The following APBA2 variants were observed in gnomAD, a reference collection of about 807,000 sequenced individuals.
APBA2 encodes amyloid-beta A4 precursor protein-binding family A member 2.
In APBA2, 30 loss-of-function variants were observed where a neutral mutation model predicts 75.0. The observed-to-expected ratio is 0.40, with a 90% CI of 0.30 to 0.54. The LOEUF is 0.54. Ranked by LOEUF, APBA2 falls within the 20% of genes least tolerant of loss-of-function variation. The pLI is 0.49. For missense variants in APBA2, 801 were observed against 1,016.1 expected (o/e 0.79, Z 2.88); for synonymous variants, 444 against 409.6 (o/e 1.08, Z -1.01).
At chr15:29,061,592 C>T (rs1047326672) in intron 4 of APBA2, among the ~76,000 whole-genome samples, 2 of 152,216 alleles carry the variant, frequency 1.3e-5, no homozygotes, top group African/African-American at 2.4e-5. Flanking sequence ...GGTCGAGGGC[C>T]CCGAGGCCAC....
intron 2 of APBA2, among the ~76,000 whole-genome samples, chr15:28,922,015 C>CT (rs765900972): frequency 3.5e-4 from 54 of 152,204 alleles, no homozygotes; most frequent in Non-Finnish European, 5.4e-4. Context: ...TGTGCATTCC[C>CT]TGTAACCCTG....
intron 1 of APBA2, among the ~76,000 whole-genome samples, chr15:28,898,439 A>G (rs2032644598): frequency 6.6e-6 from 1 of 152,194 alleles, no homozygotes; most frequent in Non-Finnish European, 1.5e-5. Flanking sequence ...AGCTGTGTGG[A>G]TGGGGCTTGC....
At chr15:28,933,126 T>G (rs770925248) in intron 2 of APBA2, among the ~76,000 whole-genome samples, 1 of 152,138 alleles carries the variant, frequency 6.6e-6, no homozygotes, top group Non-Finnish European at 1.5e-5. Context: ...ATGGCATTAA[T>G]ACATTCATGA....
At chr15:28,962,535 C>T (rs555013887) in intron 2 of APBA2, among the ~76,000 whole-genome samples, 86 of 152,144 alleles carry the variant, frequency 5.7e-4, no homozygotes, top group Non-Finnish European at 1.1e-3. Context: ...CGCCACTGCA[C>T]TCCAGCCTGG....
rs114840480 is a variant in APBA2 at position 29,071,893 on chromosome 15, C to G, written c.952-3028C>G. ...ACAACCTTGTGTTGCCCGTGGACACCCCATACTATGGCCTCCGTACTGGGG... is the reference window on the plus strand; with the variant it reads ...ACAACCTTGTGTTGCCCGTGGACACGCCATACTATGGCCTCCGTACTGGGG... On this transcript the variant is annotated intron_variant, in intron 4 of 14. Transcript: ENST00000683413. Among the ~76,000 whole-genome samples the G allele has an allele frequency of 7.7e-3, 1,166 of 152,044 alleles. 12 individuals carry two copies. The highest frequency in any genetic ancestry group is 0.027 in the African/African-American group (1,102 of 41,466).
intron 2 of APBA2, among the ~76,000 whole-genome samples, chr15:28,968,211 G>A (rs1384125842): frequency 3.3e-5 from 5 of 152,210 alleles, no homozygotes; most frequent in Admixed American, 1.3e-4. Context: ...TTGTTTCCAC[G>A]TTTTGGGGAC....
chr15:28,908,966 G>A (rs185546990), intron 1 of APBA2, among the ~76,000 whole-genome samples: 1,958 of 150,496 alleles, frequency 0.013, 38 homozygotes, highest in African/African-American at 0.045. Context: ...CCCAGCCCCC[G>A]GCAGCCACCA....
intron 2 of APBA2, among the ~76,000 whole-genome samples, chr15:28,972,924 A>G (rs2037143478): frequency 6.6e-6 from 1 of 152,236 alleles, no homozygotes; most frequent in South Asian, 2.1e-4. Flanking sequence ...TCCTATTACA[A>G]TTGCATTTTA....
At chr15:29,035,114 A>G (rs1245808883) in intron 3 of APBA2, among the ~76,000 whole-genome samples, 1 of 152,016 alleles carries the variant, frequency 6.6e-6, no homozygotes, top group Non-Finnish European at 1.5e-5. Context: ...ATGGCAATTG[A>G]TGGGCAAGTG....
chr15:29,096,212 C>G (rs1407110139), intron 8 of APBA2, among the ~76,000 whole-genome samples: 2 of 152,244 alleles, frequency 1.3e-5, no homozygotes, highest in African/African-American at 4.8e-5. Flanking sequence ...GAGGCCCACC[C>G]TGTGGCCTGT....
chr15:29,014,553 T>C (rs1416799934), intron 3 of APBA2, among the ~76,000 whole-genome samples: 3 of 152,186 alleles, frequency 2.0e-5, no homozygotes, highest in Non-Finnish European at 4.4e-5. Context: ...CTAACCATGT[T>C]TCAAGTGTTC....
chr15:29,011,429 A>G (rs2152815515), intron 3 of APBA2, among the ~76,000 whole-genome samples: 1 of 152,030 alleles, frequency 6.6e-6, no homozygotes, highest in East Asian at 1.9e-4. Flanking sequence ...AAATGCCTCC[A>G]TATTTTCTGG....
chr15:29,092,018 G>A (rs1214315212), intron 6 of APBA2, among the ~76,000 whole-genome samples: 3 of 152,188 alleles, frequency 2.0e-5, no homozygotes, highest in African/African-American at 7.2e-5. Flanking sequence ...GGTCTGAGAG[G>A]ACAGCCAAGC....
At chr15:28,998,378 A>G (rs577235171) in intron 3 of APBA2, among the ~76,000 whole-genome samples, 78 of 152,256 alleles carry the variant, frequency 5.1e-4, no homozygotes, top group African/African-American at 1.8e-3. Flanking sequence ...GTCTCAGAAC[A>G]TATATTAAGT....
At chr15:28,891,085 C>T (rs550839829) in intron 1 of APBA2, among the ~76,000 whole-genome samples, 41 of 152,284 alleles carry the variant, frequency 2.7e-4, no homozygotes, top group African/African-American at 9.1e-4. Flanking sequence ...TTTCTGGAAA[C>T]GGAAACACTC....
chr15:28,930,393 C>T (rs551496154), intron 2 of APBA2, among the ~76,000 whole-genome samples: 158 of 152,288 alleles, frequency 1.0e-3, no homozygotes, highest in Non-Finnish European at 1.6e-3. Context: ...CTCAAATGAA[C>T]ATTCCAGGCA....
At chr15:29,017,180 T>G (rs1193604044) in intron 3 of APBA2, among the ~76,000 whole-genome samples, 2 of 152,026 alleles carry the variant, frequency 1.3e-5, no homozygotes, top group Admixed American at 6.6e-5. Flanking sequence ...AGGGCTGTGG[T>G]GGGAAGAGGG....
At position 29,105,327 on chromosome 15, in the gene APBA2, G is replaced by T. The variant is rs911256925; in HGVS notation, c.1525-52G>T. ...GCCGCAGCCCCCTGCTGAGGAGGCT[G>T]CGGGGAGCCTGTGCCACGTGCCTGT... On this transcript the variant is annotated intron_variant, in intron 10 of 14. Coordinates refer to ENST00000683413, the MANE Select transcript of APBA2 (RefSeq NM_001353788.2). 3 of 1,573,620 alleles carry T rather than the reference G, an allele frequency of 1.9e-6. No individual in the cohort carries two copies. The African/African-American group carries it at 4.0e-5, about 21-fold the overall frequency.
At chr15:29,102,173 C>T (rs937764274) in intron 10 of APBA2, 1 of 336,862 alleles carries the variant, frequency 3.0e-6, no homozygotes, top group East Asian at 7.8e-5. Flanking sequence ...GCACATGAGG[C>T]TTAGTTCTGC....
Sources: allele counts gnomAD v4.1 joint callset (sites outside exome capture counted in the v4.1 genomes callset), GRCh38; gene constraint gnomAD v4.1.1; transcripts MANE v1.5; gene names NCBI Gene and HGNC (gene_info 2026-07-23, HGNC 2026-07-21).